Variants in RARB observed in about 807,000 individuals in gnomAD.
The protein encoded by RARB is HBV-activated protein.
A neutral mutation model predicts 51.9 loss-of-function variants in RARB; 17 were observed. The observed-to-expected ratio is 0.33, with a 90% CI of 0.22 to 0.49. The LOEUF (loss-of-function observed/expected upper bound fraction) is 0.49, where lower values mean the gene tolerates loss of function less well. Ranked by LOEUF, RARB falls within the 20% of genes least tolerant of loss-of-function variation. The probability of loss-of-function intolerance (pLI) is 0.99; values close to 1 mark genes in which losing one functional copy is unlikely to be tolerated. For missense variants in RARB, 369 were observed against 550.8 expected (o/e 0.67, Z 3.30); for synonymous variants, 215 against 195.4 (o/e 1.10, Z -0.84).
Position 25,594,697 on chromosome 3 carries a change from A to C in RARB, c.1150+19A>C. 2 of 1,579,098 alleles carry C rather than the reference A, an allele frequency of 1.3e-6. No homozygotes were observed. Among genetic ancestry groups the C allele is most frequent in the South Asian group, 2.4e-5 (2 of 84,882 alleles). ...GCTAAAGGTATGTCTTCGTGCTCTC[A>C]GTACTGTAGTCACACAGTGGACTTG... On this transcript the variant is annotated intron_variant, in intron 7 of 7. Transcript: ENST00000330688.
upstream of RARB, among the ~76,000 whole-genome samples, chr3:25,424,469 C>A (rs1707936963): frequency 6.6e-6 from 1 of 152,196 alleles, no homozygotes; most frequent in South Asian, 2.1e-4. Context: ...CCTTGGCTTC[C>A]CTGCTGGAAC....
intron 1 of RARB, chr3:25,441,362 G>A (rs1708673810): frequency 3.4e-6 from 1 of 290,194 alleles, no homozygotes; most frequent in Non-Finnish European, 6.9e-6. Flanking sequence ...TCAGTTCACT[G>A]GACTTCGTAT....
chr3:25,465,191 C>T (rs768640024), intron 2 of RARB, among the ~76,000 whole-genome samples: 2 of 152,098 alleles, frequency 1.3e-5, no homozygotes, highest in African/African-American at 4.8e-5. Flanking sequence ...TAAATCCTTT[C>T]GGAAAGTATC....
intron 3 of RARB, among the ~76,000 whole-genome samples, chr3:25,131,829 C>G (rs768419344): frequency 2.9e-4 from 44 of 151,496 alleles, no homozygotes; most frequent in Non-Finnish European, 5.7e-4. Context: ...TTAAGGGCAA[C>G]AAAATACCAA....
At chr3:24,855,584 A>G (rs1702620231) in intron 1 of RARB, among the ~76,000 whole-genome samples, 1 of 152,148 alleles carries the variant, frequency 6.6e-6, no homozygotes, top group Non-Finnish European at 1.5e-5. Context: ...TATAGTACAT[A>G]TTTAAATTCT....
intron 5 of RARB, among the ~76,000 whole-genome samples, chr3:25,190,426 G>T (rs1701075280): frequency 6.6e-6 from 1 of 152,000 alleles, no homozygotes; most frequent in Non-Finnish European, 1.5e-5. Flanking sequence ...TATATATTTT[G>T]GGTAGAAGTG....
At chr3:25,356,618 AC>A (rs1426215873) in intron 5 of RARB, among the ~76,000 whole-genome samples, 2 of 152,042 alleles carry the variant, frequency 1.3e-5, no homozygotes, top group African/African-American at 4.8e-5. Flanking sequence ...GCACCCATCA[AC>A]CCATCATCTA....
At chr3:25,584,299 G>A (rs565745361) in intron 5 of RARB, among the ~76,000 whole-genome samples, 9 of 152,130 alleles carry the variant, frequency 5.9e-5, no homozygotes, top group Admixed American at 5.2e-4. Context: ...TTCTCCTGGT[G>A]GGGGGACACA....
intron 3 of RARB, among the ~76,000 whole-genome samples, chr3:25,113,721 GT>G (rs1559471150): frequency 6.6e-6 from 1 of 152,148 alleles, no homozygotes; most frequent in African/African-American, 2.4e-5. Context: ...AGACAACTGG[GT>G]TAGGGAAGGA....
chr3:25,014,956 C>A (rs1191237671), intron 2 of RARB, among the ~76,000 whole-genome samples: 1 of 152,086 alleles, frequency 6.6e-6, no homozygotes. Context: ...AATATTAAAA[C>A]CAATTGTATA....
chr3:25,125,530 A>G (rs1428956583), intron 3 of RARB, among the ~76,000 whole-genome samples: 30 of 152,218 alleles, frequency 2.0e-4, no homozygotes, highest in Admixed American at 1.9e-3. Context: ...TTGGGTAGGC[A>G]TGAAATGTTT....
intron 2 of RARB, among the ~76,000 whole-genome samples, chr3:24,931,195 A>G (rs140133628): frequency 4.3e-4 from 65 of 152,150 alleles, no homozygotes; most frequent in African/African-American, 1.5e-3. Context: ...ATTGGTTCAT[A>G]TTATTAGTGT....
chr3:25,123,522 A>G (rs1341274047), intron 3 of RARB, among the ~76,000 whole-genome samples: 1 of 152,204 alleles, frequency 6.6e-6, no homozygotes, highest in Non-Finnish European at 1.5e-5. Context: ...TATCAAAGCC[A>G]CTTGAAATAT....
chr3:25,234,772 CA>C (rs1472695860), intron 5 of RARB, among the ~76,000 whole-genome samples: 1 of 152,042 alleles, frequency 6.6e-6, no homozygotes, highest in Non-Finnish European at 1.5e-5. Context: ...GGTGGAAGCA[CA>C]AGAGTAAATA....
chr3:24,912,972 A>ATTTTTTTTTTTTTTTTTTTTT (rs71622787), intron 2 of RARB, among the ~76,000 whole-genome samples: 32 of 57,626 alleles, frequency 5.6e-4, no homozygotes, highest in Non-Finnish European at 9.1e-4. Context: ...CAAGGTACTG[A>ATTTTTTTTTTTTTTTTTTTTT]TTCTTTTTTT....
At chr3:24,916,094 T>C (rs1374594516) in intron 2 of RARB, among the ~76,000 whole-genome samples, 1 of 152,062 alleles carries the variant, frequency 6.6e-6, no homozygotes, top group Non-Finnish European at 1.5e-5. Flanking sequence ...CTGTCAATAG[T>C]AGTTTACTTC....
intron 5 of RARB, among the ~76,000 whole-genome samples, chr3:25,377,077 C>G (rs921317839): frequency 1.3e-5 from 2 of 151,972 alleles, no homozygotes; most frequent in African/African-American, 4.8e-5. Flanking sequence ...GATTAATAAC[C>G]CATCTTGGTT....
intron 2 of RARB, among the ~76,000 whole-genome samples, chr3:24,959,219 G>A (rs1696086823): frequency 6.6e-6 from 1 of 152,190 alleles, no homozygotes; most frequent in Admixed American, 6.5e-5. Flanking sequence ...ACAGCCTTTA[G>A]CATCTGCACA....
intron 2 of RARB, among the ~76,000 whole-genome samples, chr3:25,008,119 T>A (rs182456697): frequency 1.2e-3 from 183 of 152,308 alleles, no homozygotes; most frequent in Non-Finnish European, 5.3e-4. Context: ...TAATAGGTAA[T>A]CTCTACAGAT....
Sources: allele counts gnomAD v4.1 joint callset (sites outside exome capture counted in the v4.1 genomes callset), GRCh38; gene constraint gnomAD v4.1.1; transcripts MANE v1.5; gene names NCBI Gene and HGNC (gene_info 2026-07-23, HGNC 2026-07-21).